Variants in RFTN1 observed in about 807,000 individuals in gnomAD.
The protein encoded by RFTN1 is raftlin.
Under a neutral mutation model 46.5 loss-of-function variants are expected in RFTN1, and 26 were observed. That is an observed-to-expected ratio of 0.56 (90% CI 0.41 to 0.78). The LOEUF (loss-of-function observed/expected upper bound fraction) is 0.78. RFTN1 is among the 30% of genes least tolerant of loss of function. RFTN1 has a pLI of 0.00. For missense variants in RFTN1, 693 were observed against 718.7 expected (o/e 0.96, Z 0.41); for synonymous variants, 261 against 284.2 (o/e 0.92, Z 0.82).
In RFTN1 at chr3:16,400,924, G is replaced by A. The variant is rs1241514252; in HGVS notation, c.441+8451C>T. On this transcript the variant is annotated intron_variant, in intron 4 of 9. Coordinates refer to ENST00000334133, the MANE Select transcript of RFTN1 (RefSeq NM_015150.2). The surrounding 1 kb of genome is among the most constrained non-coding windows in gnomAD (Gnocchi z 4.5). ...CCCTGCCAGCATCAAAGGAGGGGATGCCCATTACCTTGTGCCCCTCCCACC... is the reference window on the plus strand; with the variant it reads ...CCCTGCCAGCATCAAAGGAGGGGATACCCATTACCTTGTGCCCCTCCCACC... 6.6e-6 allele frequency among the ~76,000 whole-genome samples: 1 copy of A among 152,004 alleles called. No individual in the cohort carries two copies. Among genetic ancestry groups the A allele is most frequent in the African/African-American group, 2.4e-5 (1 of 41,392 alleles).
chr3:16,421,869 C>T lies in RFTN1; in HGVS notation c.332+11982G>A, dbSNP rs770902610. ...TTACAAAAAGCGATCCACTAATTCA[C>T]CTTACTGAGATCTCAGCTGAAAGTG... On this transcript the variant is annotated intron_variant, in intron 3 of 9. Coordinates refer to ENST00000334133, the MANE Select transcript of RFTN1 (RefSeq NM_015150.2). The surrounding 1 kb of genome is among the most constrained non-coding windows in gnomAD (Gnocchi z 4.6). 1.6e-4 allele frequency among the ~76,000 whole-genome samples: 24 copies of T among 152,260 alleles called. No homozygotes were observed. The highest frequency in any genetic ancestry group is 2.9e-4 in the Non-Finnish European group (20 of 68,016).
intron 2 of RFTN1, among the ~76,000 whole-genome samples, chr3:16,477,153 G>T (rs1439964648): frequency 1.3e-5 from 2 of 152,154 alleles, no homozygotes; most frequent in African/African-American, 4.8e-5. Context: ...CTACCTCAAT[G>T]CATGGTTGTT....
At chr3:16,365,741 G>T (rs796691038) in intron 6 of RFTN1, among the ~76,000 whole-genome samples, 1 of 149,460 alleles carries the variant, frequency 6.7e-6, no homozygotes, top group Non-Finnish European at 1.5e-5. Context: ...CAAGGCCTTA[G>T]AACTAACTTC....
rs572018689 is a variant in RFTN1, at chr3:16,392,674, C to T, written c.442-14572G>A. Among the ~76,000 whole-genome samples the T allele has an allele frequency of 9.0e-4, 96 of 107,066 alleles. 2 individuals carry two copies. The East Asian group carries it at 0.021, about 24-fold the overall frequency. The allele number at this position is 107,066 out of a possible 152,430, so 70.2% of individuals were successfully genotyped here. A position where few individuals can be genotyped will look rare whatever the true frequency, so the allele number is the denominator to read the frequency against. On this transcript the variant is annotated intron_variant, in intron 4 of 9. Transcript: ENST00000334133. ...TTATATGTGTATATATGTACACACACACACACATATATATATATATCATAA... is the reference window on the plus strand; with the variant it reads ...TTATATGTGTATATATGTACACACATACACACATATATATATATATCATAA...
In RFTN1 at chr3:16,387,570, T is replaced by TCTCTCTCTCTCTC. The variant is rs2074222998; in HGVS notation, c.442-9469_442-9468insGAGAGAGAGAGAG. ...CACTTCTCTCTTCTATATCCTCAAT[T>TCTCTCTCTCTCTC]TCTCTCTCTCTCTCTCTCTCTCTCT... On this transcript the variant is annotated intron_variant, in intron 4 of 9. Transcript: ENST00000334133. This position sits in a 1 kb window ranked among gnomAD's most constrained non-coding sequence, Gnocchi z 5.2. Among the ~76,000 whole-genome samples the TCTCTCTCTCTCTC allele has an allele frequency of 2.6e-5, 3 of 116,414 alleles. No individual in the cohort carries two copies. The highest frequency in any genetic ancestry group is 3.9e-5 in the African/African-American group (1 of 25,512). The allele number at this position is 116,414 out of a possible 152,430, so 76.4% of individuals were successfully genotyped here. A position where few individuals can be genotyped will look rare whatever the true frequency, so the allele number is the denominator to read the frequency against.
At chr3:16,486,519 C>T (rs1368337446) in intron 2 of RFTN1, among the ~76,000 whole-genome samples, 1 of 152,220 alleles carries the variant, frequency 6.6e-6, no homozygotes, top group Admixed American at 6.5e-5. Context: ...CACAAGTTGT[C>T]TCCTCTTCGT....
rs149598757 is a variant in RFTN1, at chr3:16,502,676, A to T, written c.-8-8799T>A. 5.5e-3 allele frequency among the ~76,000 whole-genome samples: 840 copies of T among 152,354 alleles called. 6 individuals carry two copies. Among genetic ancestry groups the T allele is most frequent in the African/African-American group, 0.019 (789 of 41,588 alleles). ...CACTCTATCAGCAGGATGAAGTTCC[A>T]CTGCAGGGCAACGAGGCCTCCTGCC... On this transcript the variant is annotated intron_variant, in intron 1 of 9. Transcript: ENST00000334133.
In RFTN1 at chr3:16,338,321, T is replaced by C. The variant is rs1277755203; in HGVS notation, c.1147-11445A>G. On this transcript the variant is annotated intron_variant, in intron 7 of 9. Coordinates refer to ENST00000334133, the MANE Select transcript of RFTN1 (RefSeq NM_015150.2). This position sits in a 1 kb window ranked among gnomAD's most constrained non-coding sequence, Gnocchi z 5.3. ...AGGCTCCTGATCACAGGGAAGGTAA[T>C]GAGGCCGGACATGCGGCGGCTAAGG... 6.6e-6 allele frequency among the ~76,000 whole-genome samples: 1 copy of C among 152,184 alleles called. No homozygotes were observed. The highest frequency in any genetic ancestry group is 2.4e-5 in the African/African-American group (1 of 41,444).
At chr3:16,324,008 G>A (rs1441863546) in intron 8 of RFTN1, among the ~76,000 whole-genome samples, 2 of 152,168 alleles carry the variant, frequency 1.3e-5, no homozygotes, top group African/African-American at 2.4e-5. Flanking sequence ...AGGGAGGGGC[G>A]ACTCGTATCT....
In RFTN1 at chr3:16,446,251, G is replaced by C. The variant is rs2075727229; in HGVS notation, c.146-12214C>G. Among the ~76,000 whole-genome samples the C allele has an allele frequency of 6.6e-6, 1 of 151,308 alleles. No homozygotes were observed. The highest frequency in any genetic ancestry group is 6.6e-5 in the Admixed American group (1 of 15,206). On this transcript the variant is annotated intron_variant, in intron 2 of 9. Transcript: ENST00000334133. The surrounding 1 kb of genome is among the most constrained non-coding windows in gnomAD (Gnocchi z 4.5). ...AAGAACCATAATGAGTCCTGGAAAA[G>C]AGTCAGCCAGTGTAAAGCTCAGAGG...
chr3:16,445,483 T>TCTCTCACA (rs1352210263), intron 2 of RFTN1, among the ~76,000 whole-genome samples: 5,387 of 126,730 alleles, frequency 0.043, 145 homozygotes, highest in Non-Finnish European at 0.057. Context: ...TCTCTCTCTC[T>TCTCTCACA]CACACACACA....
At chr3:16,470,918 A>T (rs184895864) in intron 2 of RFTN1, among the ~76,000 whole-genome samples, 1 of 152,200 alleles carries the variant, frequency 6.6e-6, no homozygotes. Flanking sequence ...ACAAACAAGA[A>T]TTTCCAGATA....
intron 4 of RFTN1, among the ~76,000 whole-genome samples, chr3:16,401,607 A>G (rs1199240707): frequency 6.6e-6 from 1 of 151,998 alleles, no homozygotes; most frequent in Non-Finnish European, 1.5e-5. Flanking sequence ...TCCTCCCTCT[A>G]CCTTGGAAAA....
intron 7 of RFTN1, among the ~76,000 whole-genome samples, chr3:16,331,894 C>T (rs970554246): frequency 9.2e-5 from 14 of 152,188 alleles, no homozygotes; most frequent in East Asian, 3.8e-4. Context: ...TAGGTACAGA[C>T]GTCTGGGCTG....
At chr3:16,435,943 T>TATATATATATATATA (rs2075504485) in intron 2 of RFTN1, among the ~76,000 whole-genome samples, 1 of 141,756 alleles carries the variant, frequency 7.1e-6, no homozygotes, top group African/African-American at 2.6e-5. Context: ...TATATATATA[T>TATATATATATATATA]ATCACACACA....
Position 16,507,706 on chromosome 3 carries a change from TACACATACACACATACACACAA to T in RFTN1, c.-9+5714_-9+5735del. ...AAACACACACATACACACACATACATACACATACACACATACACACAAACACATACACACATACATGCACACT... is the reference window on the plus strand; with the variant it reads ...AAACACACACATACACACACATACATACACATACACACATACATGCACACT... On this transcript the variant is annotated intron_variant, in intron 1 of 9. Transcript: ENST00000334133. The surrounding 1 kb of genome is among the most constrained non-coding windows in gnomAD (Gnocchi z 7.1). Among the ~76,000 whole-genome samples the T allele has an allele frequency of 6.8e-6, 1 of 146,476 alleles. No individual in the cohort carries two copies. Among genetic ancestry groups the T allele is most frequent in the African/African-American group, 2.6e-5 (1 of 39,140 alleles).
At chr3:16,397,924 G>A (rs961573480) in intron 4 of RFTN1, among the ~76,000 whole-genome samples, 4 of 152,022 alleles carry the variant, frequency 2.6e-5, no homozygotes, top group Admixed American at 6.6e-5. Context: ...TTTTGCACCC[G>A]GGACCTCTTC....
chr3:16,364,650 A>G (rs1367120011), intron 6 of RFTN1, among the ~76,000 whole-genome samples: 2 of 152,150 alleles, frequency 1.3e-5, no homozygotes, highest in Non-Finnish European at 2.9e-5. Context: ...GCTGTCCTAT[A>G]TGGGGCAAAA....
Position 16,385,043 on chromosome 3 carries a change from A to AC in RFTN1, c.442-6942dup, listed in dbSNP as rs1266280642. ...TATACCCTAGATCAGACCACTGCCC[A>AC]CTCCGGCCCTCCCTCATAACTCACA... On this transcript the variant is annotated intron_variant, in intron 4 of 9. Transcript: ENST00000334133. This position sits in a 1 kb window ranked among gnomAD's most constrained non-coding sequence, Gnocchi z 5.0. Among the ~76,000 whole-genome samples, 1 of 152,030 alleles carries AC rather than the reference A, an allele frequency of 6.6e-6. No individual in the cohort carries two copies. The highest frequency in any genetic ancestry group is 1.5e-5 in the Non-Finnish European group (1 of 68,020).
Sources: allele counts gnomAD v4.1 joint callset (sites outside exome capture counted in the v4.1 genomes callset), GRCh38; gene constraint gnomAD v4.1.1; non-coding constraint Gnocchi (gnomAD v3.1); transcripts MANE v1.5; gene names NCBI Gene and HGNC (gene_info 2026-07-23, HGNC 2026-07-21).